LSM14A: variants seen among roughly 807,000 people sequenced by gnomAD.
The protein encoded by LSM14A is protein LSM14 homolog A.
Under a neutral mutation model 52.4 loss-of-function variants are expected in LSM14A, and 14 were observed. The ratio of observed to expected loss-of-function variants is 0.27; its 90% CI spans 0.18 to 0.42. The LOEUF is 0.42. LSM14A is among the 10% of genes least tolerant of loss of function. The pLI, the probability that LSM14A is intolerant of heterozygous loss-of-function variation, is 1.00. For synonymous variants in LSM14A, 185 were observed against 200.3 expected, an observed-to-expected ratio of 0.92 and a Z score of 0.64; for missense variants, 417 against 581.8, an observed-to-expected ratio of 0.72 and a Z score of 2.91.
At chr19:34,190,274 A>G (rs1452375617) in intron 1 of LSM14A, among the ~76,000 whole-genome samples, 1 of 151,952 alleles carries the variant, frequency 6.6e-6, no homozygotes, top group African/African-American at 2.4e-5. Context: ...AAAACCCCAA[A>G]TCTTATTAAG....
intron 9 of LSM14A, among the ~76,000 whole-genome samples, chr19:34,225,473 G>A (rs1273101863): frequency 6.6e-6 from 1 of 152,200 alleles, no homozygotes; most frequent in African/African-American, 2.4e-5. Flanking sequence ...TGACATTTCT[G>A]CAGCCTTCAT....
intron 1 of LSM14A, among the ~76,000 whole-genome samples, chr19:34,178,455 TG>T (rs1267444277): frequency 6.6e-6 from 1 of 152,220 alleles, no homozygotes; most frequent in Admixed American, 6.5e-5. Context: ...ATAGATGATC[TG>T]TGTTGCAGTT....
chr19:34,188,070 T>C (rs2070062532), intron 1 of LSM14A, among the ~76,000 whole-genome samples: 1 of 152,106 alleles, frequency 6.6e-6, no homozygotes, highest in Non-Finnish European at 1.5e-5. Context: ...ATGGATCGCT[T>C]GAGCCCAGGA....
At chr19:34,217,132 G>A (rs1010952862) in intron 6 of LSM14A, among the ~76,000 whole-genome samples, 4 of 151,770 alleles carry the variant, frequency 2.6e-5, no homozygotes, top group Non-Finnish European at 4.4e-5. Flanking sequence ...GGTGGCACAC[G>A]CCTGTAGTCC....
chr19:34,202,909 G>A (rs1269050561), intron 3 of LSM14A, among the ~76,000 whole-genome samples: 5 of 152,052 alleles, frequency 3.3e-5, no homozygotes, highest in South Asian at 2.1e-4. Flanking sequence ...CGCCCGCCTC[G>A]GCCTCCCAAA....
intron 6 of LSM14A, among the ~76,000 whole-genome samples, chr19:34,217,645 T>TG (rs1427717391): frequency 4.0e-5 from 5 of 123,546 alleles, no homozygotes; most frequent in East Asian, 5.3e-4. Flanking sequence ...TTTTTTTTTT[T>TG]GAGACAGAGT....
chr19:34,215,064 G>A (rs2072474467), intron 4 of LSM14A, 60 bp from the exon 5 acceptor site: 1 of 1,384,254 alleles, frequency 7.2e-7, no homozygotes, highest in African/African-American at 1.5e-5. Context: ...TTTTTTTTAG[G>A]GTCTAGATTA....
At chr19:34,183,377 C>G (rs1232520773) in intron 1 of LSM14A, among the ~76,000 whole-genome samples, 1 of 151,962 alleles carries the variant, frequency 6.6e-6, no homozygotes, top group Non-Finnish European at 1.5e-5. Context: ...ATGGTGAAAC[C>G]CCGTCTCTAC....
At chr19:34,193,233 G>T (rs2070583467) in intron 1 of LSM14A, among the ~76,000 whole-genome samples, 1 of 152,196 alleles carries the variant, frequency 6.6e-6, no homozygotes, top group African/African-American at 2.4e-5. Context: ...CTTCAGTACA[G>T]CCTCAATCTC....
At chr19:34,202,492 CAA>C (rs113672361) in intron 3 of LSM14A, among the ~76,000 whole-genome samples, 31 of 90,388 alleles carry the variant, frequency 3.4e-4, no homozygotes, top group Admixed American at 8.5e-4. Context: ...GACTGTGTCT[CAA>C]AAAAAAAAAA....
chr19:34,200,291 T>C (rs891551595), intron 3 of LSM14A, among the ~76,000 whole-genome samples: 2 of 152,170 alleles, frequency 1.3e-5, no homozygotes, highest in African/African-American at 2.4e-5. Flanking sequence ...AATCGAATAC[T>C]GGGCTTTTAA....
In LSM14A at chr19:34,215,214, C is replaced by T. The variant is rs2072484391; in HGVS notation, c.629C>T (p.Ala210Val). 3.1e-6 allele frequency: 5 copies of T among 1,614,044 alleles called. No individual in the cohort carries two copies. Among genetic ancestry groups the T allele is most frequent in the Non-Finnish European group, 4.2e-6 (5 of 1,180,020 alleles). The change falls in exon 5 of 10, where the codon GCA (alanine) becomes GTA (valine). Residue 210 changes from alanine (A) to valine (V), a missense_variant. Physicochemically the swap from Ala to Val is moderately conservative, Grantham distance 64 (BLOSUM62 0). Transcript: ENST00000544216. Reference protein sequence around the residue: ...QTASAHLPAPAAVGRRSPVST... With the variant: ...QTASAHLPAPVAVGRRSPVST... ...GCCTCAGCCCACTTACCTGCTCCAGCAGCTGTTGGGAGAAGGAGTCCTGTA... is the reference window on the plus strand; with the variant it reads ...GCCTCAGCCCACTTACCTGCTCCAGTAGCTGTTGGGAGAAGGAGTCCTGTA...
At chr19:34,176,174 A>G (rs2145460167) in intron 1 of LSM14A, among the ~76,000 whole-genome samples, 1 of 152,274 alleles carries the variant, frequency 6.6e-6, no homozygotes, top group Non-Finnish European at 1.5e-5. Context: ...TATTCATGGA[A>G]TTTATAATAC....
At chr19:34,184,852 G>A (rs933888901) in intron 1 of LSM14A, among the ~76,000 whole-genome samples, 10 of 152,076 alleles carry the variant, frequency 6.6e-5, no homozygotes, top group Middle Eastern at 6.8e-3. Context: ...TTTGTTTTTC[G>A]TCAGAGACAA....
chr19:34,182,238 G>A (rs2069533832), intron 1 of LSM14A, among the ~76,000 whole-genome samples: 1 of 152,158 alleles, frequency 6.6e-6, no homozygotes, highest in Non-Finnish European at 1.5e-5. Flanking sequence ...GGGAAATGTA[G>A]GTGACAAATT....
At chr19:34,211,313 T>G (rs1003686782) in intron 4 of LSM14A, among the ~76,000 whole-genome samples, 4 of 151,342 alleles carry the variant, frequency 2.6e-5, no homozygotes, top group African/African-American at 9.7e-5. Context: ...AAAAAAAAAT[T>G]TAATAGTCCT....
intron 1 of LSM14A, among the ~76,000 whole-genome samples, chr19:34,175,810 A>G (rs912580876): frequency 6.6e-6 from 1 of 152,148 alleles, no homozygotes; most frequent in East Asian, 1.9e-4. Flanking sequence ...GAAGAATGGT[A>G]GTCTAAAAGA....
intron 3 of LSM14A, among the ~76,000 whole-genome samples, chr19:34,200,086 C>T (rs1474895771): frequency 1.3e-5 from 2 of 152,124 alleles, no homozygotes; most frequent in African/African-American, 4.8e-5. Flanking sequence ...ATAATATCAC[C>T]TTTGTGGGGT....
At chr19:34,208,860 A>T in intron 3 of LSM14A, 69 bp from the exon 4 acceptor site, 1 of 1,075,620 alleles carries the variant, frequency 9.3e-7, no homozygotes, top group Non-Finnish European at 1.3e-6. Flanking sequence ...ATGCTGCATT[A>T]CTTTATATCA....
Sources: gnomAD v4.1 joint callset for allele counts (sites outside exome capture counted in the v4.1 genomes callset) on GRCh38, gnomAD v4.1.1 for gene constraint, MANE v1.5 for transcripts, NCBI Gene and HGNC (gene_info 2026-07-23, HGNC 2026-07-21) for gene names.